The following C12orf42 variants were observed in gnomAD, a reference collection of about 807,000 sequenced individuals.
C12orf42 encodes the protein chromosome 12 open reading frame 42, also known as uncharacterized protein C12orf42.
A neutral mutation model predicts 21.6 loss-of-function variants in C12orf42; 25 were observed. That is an observed-to-expected ratio of 1.16 (90% CI 0.84 to 1.62). The LOEUF is 1.62. C12orf42 is among the 40% of genes most tolerant of loss of function. The probability of loss-of-function intolerance (pLI) is 0.00; values close to 1 mark genes in which losing one functional copy is unlikely to be tolerated. For missense variants in C12orf42, 483 were observed against 459.3 expected, an observed-to-expected ratio of 1.05 and a Z score of -0.47; for synonymous variants, 174 against 175.0, an observed-to-expected ratio of 0.99 and a Z score of 0.05.
At chr12:103,428,309 T>C (rs1041268172) in intron 2 of C12orf42, among the ~76,000 whole-genome samples, 1 of 151,912 alleles carries the variant, frequency 6.6e-6, no homozygotes, top group African/African-American at 2.4e-5. Flanking sequence ...TCCACAGAAA[T>C]ACAAACTACA....
intron 4 of C12orf42, among the ~76,000 whole-genome samples, chr12:103,280,422 A>G: frequency 6.6e-6 from 1 of 152,222 alleles, no homozygotes; most frequent in South Asian, 2.1e-4. Flanking sequence ...GTTCAAGACC[A>G]GCCTGGCCAA....
the C12orf42 span, among the ~76,000 whole-genome samples, chr12:103,185,307 A>C: frequency 6.6e-6 from 1 of 152,178 alleles, no homozygotes; most frequent in Non-Finnish European, 1.5e-5. Context: ...GTGTTGGAGA[A>C]AGCTCTTCAG....
chr12:103,498,253 G>A (rs1422198416), upstream of C12orf42, among the ~76,000 whole-genome samples: 1 of 152,222 alleles, frequency 6.6e-6, no homozygotes, highest in Non-Finnish European at 1.5e-5. Context: ...TTTTGCCTGG[G>A]CAATGTCATA....
intron 3 of C12orf42, among the ~76,000 whole-genome samples, chr12:103,380,495 A>C (rs1449334131): frequency 1.3e-5 from 2 of 152,224 alleles, no homozygotes; most frequent in Non-Finnish European, 2.9e-5. Flanking sequence ...TATCATAAAG[A>C]ATAAATGCTG....
At chr12:103,546,833 T>C in the C12orf42 span, among the ~76,000 whole-genome samples, 6 of 152,158 alleles carry the variant, frequency 3.9e-5, no homozygotes, top group Non-Finnish European at 8.8e-5. Context: ...AACCCTCACA[T>C]GAGAAGTACC....
chr12:103,546,968 A>G, the C12orf42 span, among the ~76,000 whole-genome samples: 1 of 152,186 alleles, frequency 6.6e-6, no homozygotes, highest in Non-Finnish European at 1.5e-5. Flanking sequence ...ATCCAACCAC[A>G]TTCTTCCATG....
the C12orf42 span, among the ~76,000 whole-genome samples, chr12:103,543,035 C>T: frequency 6.6e-6 from 1 of 152,120 alleles, no homozygotes; most frequent in Admixed American, 6.5e-5. Context: ...AAGAGGACTG[C>T]CCATGATTAA....
At chr12:103,165,184 A>G in the C12orf42 span, among the ~76,000 whole-genome samples, 1 of 152,248 alleles carries the variant, frequency 6.6e-6, no homozygotes, top group Non-Finnish European at 1.5e-5. Context: ...ACCAATGGAC[A>G]ATGACCTGCA....
At chr12:103,292,837 CA>C (rs1358129566) in intron 4 of C12orf42, among the ~76,000 whole-genome samples, 5 of 151,910 alleles carry the variant, frequency 3.3e-5, no homozygotes, top group African/African-American at 4.8e-5. Context: ...AGGTAAACTT[CA>C]AAATGAAATG....
the C12orf42 span, among the ~76,000 whole-genome samples, chr12:103,079,081 A>T: frequency 6.6e-6 from 1 of 152,210 alleles, no homozygotes; most frequent in African/African-American, 2.4e-5. Flanking sequence ...TGTCCATCAG[A>T]TACCCAAGCT....
chr12:103,431,542 T>C (rs1950266986), intron 2 of C12orf42, among the ~76,000 whole-genome samples: 1 of 152,178 alleles, frequency 6.6e-6, no homozygotes, highest in African/African-American at 2.4e-5. Flanking sequence ...CTTGAGTTCC[T>C]CATAGTTAAA....
chr12:103,276,770 G>A (rs1488529517), intron 5 of C12orf42, among the ~76,000 whole-genome samples: 1 of 152,160 alleles, frequency 6.6e-6, no homozygotes, highest in African/African-American at 2.4e-5. Flanking sequence ...CTGTAGGTTA[G>A]GATGGCTGTT....
At chr12:103,245,303 T>C (rs974691589) in intron 10 of C12orf42, among the ~76,000 whole-genome samples, 27 of 152,124 alleles carry the variant, frequency 1.8e-4, no homozygotes, top group African/African-American at 6.5e-4. Context: ...GCTCTCTTGG[T>C]TCCAGTTCTC....
chr12:103,446,695 G>A (rs1951596010), intron 2 of C12orf42, among the ~76,000 whole-genome samples: 1 of 151,920 alleles, frequency 6.6e-6, no homozygotes, highest in African/African-American at 2.4e-5. Context: ...CACCAAAAGT[G>A]AGCAGAAGTG....
chr12:103,213,214 C>T, the C12orf42 span, among the ~76,000 whole-genome samples: 59 of 152,262 alleles, frequency 3.9e-4, no homozygotes, highest in African/African-American at 1.4e-3. Context: ...ATCTCATCCT[C>T]TTAACAATAG....
the C12orf42 span, among the ~76,000 whole-genome samples, chr12:103,219,075 C>T: frequency 6.6e-6 from 1 of 152,118 alleles, no homozygotes; most frequent in African/African-American, 2.4e-5. Flanking sequence ...ACTGTTCATT[C>T]CCCTGGAAAG....
At chr12:103,298,785 T>C (rs931576734), downstream of C12orf42, among the ~76,000 whole-genome samples, 15 of 152,302 alleles carry the variant, frequency 9.8e-5, no homozygotes, top group African/African-American at 3.6e-4. Flanking sequence ...CTGATTTTGG[T>C]CAGTTCCAAT....
intron 4 of C12orf42, among the ~76,000 whole-genome samples, chr12:103,329,058 G>T (rs1383621466): frequency 1.3e-5 from 2 of 152,194 alleles, no homozygotes; most frequent in African/African-American, 2.4e-5. Flanking sequence ...GCGCAGGGAT[G>T]CAGGCATGCA....
At chr12:103,236,474 G>A (rs547814175), downstream of C12orf42, among the ~76,000 whole-genome samples, 1 of 152,290 alleles carries the variant, frequency 6.6e-6, no homozygotes, top group Admixed American at 6.5e-5. Context: ...TGGCTGAAAT[G>A]TAGGTTTGCA....
Sources: allele counts gnomAD v4.1 joint callset (sites outside exome capture counted in the v4.1 genomes callset), GRCh38; gene constraint gnomAD v4.1.1; transcripts MANE v1.5; gene names NCBI Gene and HGNC (gene_info 2026-07-23, HGNC 2026-07-21).